The following NAALADL2 variants were observed in gnomAD, a reference collection of about 807,000 sequenced individuals.
NAALADL2 encodes inactive N-acetylated-alpha-linked acidic dipeptidase-like protein 2.
NAALADL2 carries 76 observed loss-of-function variants against 87.2 expected under a neutral mutation model. The ratio of observed to expected loss-of-function variants is 0.87; its 90% confidence interval spans 0.72 to 1.05. NAALADL2 has a LOEUF of 1.05. Among genes scored for constraint, NAALADL2 ranks in the 50% least tolerant of loss-of-function variants. NAALADL2 has a pLI of 0.00. For missense variants in NAALADL2, 1,089 were observed against 945.8 expected, an observed-to-expected ratio of 1.15 and a Z score of -1.99; for synonymous variants, 354 against 331.0, an observed-to-expected ratio of 1.07 and a Z score of -0.75.
chr3:174,571,256 CT>C (rs1714881653), intron 2 of NAALADL2, among the ~76,000 whole-genome samples: 1 of 152,020 alleles, frequency 6.6e-6, no homozygotes, highest in African/African-American at 2.4e-5. Flanking sequence ...TTGGGGTAAA[CT>C]AAAAAACAGA....
At chr3:175,111,760 G>C (rs1580507580) in intron 2 of NAALADL2, among the ~76,000 whole-genome samples, 1 of 151,608 alleles carries the variant, frequency 6.6e-6, no homozygotes, top group African/African-American at 2.4e-5. Context: ...AGTCAGGAAA[G>C]GGAAAATTAG....
intron 5 of NAALADL2, among the ~76,000 whole-genome samples, chr3:175,371,630 G>A (rs1250349594): frequency 6.6e-6 from 1 of 151,862 alleles, no homozygotes; most frequent in Non-Finnish European, 1.5e-5. Flanking sequence ...ATCAAGAGTA[G>A]CCTGGCCAAG....
chr3:175,189,045 C>G (rs1271532179), intron 2 of NAALADL2, among the ~76,000 whole-genome samples: 1 of 152,136 alleles, frequency 6.6e-6, no homozygotes, highest in Non-Finnish European at 1.5e-5. Flanking sequence ...TGATAGTTAT[C>G]CACCCATGCC....
intron 1 of NAALADL2, among the ~76,000 whole-genome samples, chr3:174,898,724 A>G (rs1196840028): frequency 2.0e-5 from 3 of 152,168 alleles, no homozygotes; most frequent in African/African-American, 7.2e-5. Context: ...TCATAGAGCC[A>G]TAGATTATAT....
chr3:175,009,287 A>C (rs1408408633), intron 1 of NAALADL2, among the ~76,000 whole-genome samples: 1 of 152,222 alleles, frequency 6.6e-6, no homozygotes, highest in East Asian at 1.9e-4. Flanking sequence ...AATTTTCATT[A>C]GTGTTTATCA....
chr3:175,727,257 A>G (rs1250670000), intron 11 of NAALADL2, among the ~76,000 whole-genome samples: 1 of 152,092 alleles, frequency 6.6e-6, no homozygotes, highest in Admixed American at 6.5e-5. Flanking sequence ...GGTGACTGAA[A>G]CAGCAGTTTC....
At chr3:175,724,526 C>T (rs1232396694) in intron 11 of NAALADL2, among the ~76,000 whole-genome samples, 2 of 152,106 alleles carry the variant, frequency 1.3e-5, no homozygotes, top group African/African-American at 4.8e-5. Context: ...TGTCAAGTCT[C>T]ACTTTGTAGG....
chr3:174,906,688 A>G (rs1407264014), intron 1 of NAALADL2, among the ~76,000 whole-genome samples: 1 of 152,098 alleles, frequency 6.6e-6, no homozygotes, highest in African/African-American at 2.4e-5. Flanking sequence ...GCTTCCAACA[A>G]TTCCCCAACT....
At chr3:174,777,560 A>G (rs1219990387) in intron 3 of NAALADL2, among the ~76,000 whole-genome samples, 2 of 152,110 alleles carry the variant, frequency 1.3e-5, no homozygotes, top group Admixed American at 6.6e-5. Context: ...ACAAAAGTAC[A>G]TATCTTGAAG....
At chr3:174,730,853 T>C (rs1578711096) in intron 2 of NAALADL2, among the ~76,000 whole-genome samples, 1 of 152,146 alleles carries the variant, frequency 6.6e-6, no homozygotes, top group Non-Finnish European at 1.5e-5. Flanking sequence ...TTATTTTTGG[T>C]ACATTACAGC....
At chr3:174,638,443 A>C (rs1214192321) in intron 2 of NAALADL2, among the ~76,000 whole-genome samples, 1 of 152,196 alleles carries the variant, frequency 6.6e-6, no homozygotes, top group Non-Finnish European at 1.5e-5. Flanking sequence ...TTTTCATGGA[A>C]GGCTAAACAG....
At position 174,870,993 on chromosome 3, in the gene NAALADL2, A is replaced by G. The variant is rs180950948; in HGVS notation, c.43+11543A>G. Among the ~76,000 whole-genome samples the G allele has an allele frequency of 8.2e-3, 1,246 of 152,244 alleles. 11 individuals are homozygous for G. The highest frequency in any genetic ancestry group is 0.014 in the Middle Eastern group (4 of 294). On this transcript the variant is annotated intron_variant, in intron 1 of 13. Transcript: ENST00000454872. ...CTCTTATGATATTTCCATCATACCT[A>G]CATTCCTGACACTTTTATTGAAGGT...
intron 3 of NAALADL2, among the ~76,000 whole-genome samples, chr3:174,773,528 G>C (rs895900036): frequency 6.6e-6 from 1 of 152,180 alleles, no homozygotes; most frequent in African/African-American, 2.4e-5. Flanking sequence ...AGAAGTGGTA[G>C]CTTAGGCAGA....
chr3:175,012,098 G>C (rs565939490), intron 1 of NAALADL2, among the ~76,000 whole-genome samples: 1 of 152,088 alleles, frequency 6.6e-6, no homozygotes, highest in African/African-American at 2.4e-5. Flanking sequence ...TTCCCTATAC[G>C]GGAGACAACT....
rs917898101 is a variant in NAALADL2, at chr3:175,119,652, T to C, written c.545+22361T>C. Among the ~76,000 whole-genome samples the C allele has an allele frequency of 4.2e-5, 6 of 142,882 alleles. No individual in the cohort carries two copies. In the East Asian group the frequency reaches 6.3e-4, roughly 15 times the overall value. The allele number at this position is 142,882 out of a possible 152,430, so 93.7% of individuals were successfully genotyped here. On this transcript the variant is annotated intron_variant, in intron 2 of 13. Coordinates refer to ENST00000454872, the MANE Select transcript of NAALADL2 (RefSeq NM_207015.3). ...GACATCTAAAGATGTTTTTAGTTTG[T>C]TTAACTTGAAGGTTGAGGAGTCACT...
intron 1 of NAALADL2, among the ~76,000 whole-genome samples, chr3:174,886,316 T>C (rs981301877): frequency 6.6e-6 from 1 of 151,988 alleles, no homozygotes; most frequent in Non-Finnish European, 1.5e-5. Flanking sequence ...CAGTCTCTCT[T>C]TTTATATTTT....
Position 175,094,753 on chromosome 3 carries a change from CTATAGTG to C in NAALADL2, c.44-2035_44-2029del, listed in dbSNP as rs921511826. ...AATGTTAAAAAAAAAGCACCAGACA[CTATAGTG>C]TGTGTGTGTGTGTGTGTGTGTGTGT... On this transcript the variant is annotated intron_variant, in intron 1 of 13. Transcript: ENST00000454872. 6.5e-3 allele frequency among the ~76,000 whole-genome samples: 484 copies of C among 74,432 alleles called. 10 individuals carry two copies. The highest frequency in any genetic ancestry group is 4.1e-3 in the Non-Finnish European group (149 of 36,382). 48.8% of individuals were successfully genotyped at this position (74,432 alleles called of 152,430 possible). A position where few individuals can be genotyped will look rare whatever the true frequency, so the allele number is the denominator to read the frequency against.
At chr3:174,450,373 G>A (rs1320900903) in intron 1 of NAALADL2, among the ~76,000 whole-genome samples, 4 of 152,102 alleles carry the variant, frequency 2.6e-5, no homozygotes, top group Non-Finnish European at 1.5e-5. Flanking sequence ...TGGGAAAATA[G>A]GGAGGCGCAA....
chr3:174,683,326 A>G (rs1252031214), intron 2 of NAALADL2, among the ~76,000 whole-genome samples: 1 of 152,158 alleles, frequency 6.6e-6, no homozygotes, highest in Non-Finnish European at 1.5e-5. Flanking sequence ...AGAGAGAGAT[A>G]CAGGTAGAAG....
Sources: gnomAD v4.1 joint callset for allele counts (sites outside exome capture counted in the v4.1 genomes callset) on GRCh38, gnomAD v4.1.1 for gene constraint, MANE v1.5 for transcripts, NCBI Gene and HGNC (gene_info 2026-07-23, HGNC 2026-07-21) for gene names.